C1QTNF3: variants seen among roughly 807,000 people sequenced by gnomAD.
C1QTNF3 encodes the protein complement C1q tumor necrosis factor-related protein 3.
C1QTNF3 carries 26 observed loss-of-function variants against 32.6 expected under a neutral mutation model. That is an observed-to-expected ratio of 0.80 (90% CI 0.58 to 1.11). The LOEUF (loss-of-function observed/expected upper bound fraction) is 1.11, where lower values mean the gene tolerates loss of function less well. C1QTNF3 is among the 50% of genes least tolerant of loss of function. C1QTNF3 has a pLI of 0.00. For missense variants in C1QTNF3, 362 were observed against 398.2 expected (o/e 0.91, Z 0.77); for synonymous variants, 155 against 146.0 (o/e 1.06, Z -0.44).
chr5:34,170,473 C>T, the C1QTNF3 span, among the ~76,000 whole-genome samples: 26 of 152,114 alleles, frequency 1.7e-4, no homozygotes, highest in African/African-American at 5.1e-4. Flanking sequence ...AAATAAATTT[C>T]GGGGCGTCTT....
chr5:34,172,258 AAACT>A, the C1QTNF3 span, among the ~76,000 whole-genome samples: 1 of 152,154 alleles, frequency 6.6e-6, no homozygotes, highest in African/African-American at 2.4e-5. Context: ...GCATAGTAAG[AAACT>A]AACAACAATA....
At chr5:34,138,049 C>T in the C1QTNF3 span, among the ~76,000 whole-genome samples, 1 of 152,180 alleles carries the variant, frequency 6.6e-6, no homozygotes, top group Non-Finnish European at 1.5e-5. Context: ...AATGCACACA[C>T]TAAGAGACAA....
At chr5:34,040,633 T>A (rs1754846024) in intron 1 of C1QTNF3, among the ~76,000 whole-genome samples, 1 of 152,104 alleles carries the variant, frequency 6.6e-6, no homozygotes, top group South Asian at 2.1e-4. Flanking sequence ...TGTCCTGCTA[T>A]GAACAAACAA....
chr5:34,212,659 C>T, the C1QTNF3 span, among the ~76,000 whole-genome samples: 1 of 150,448 alleles, frequency 6.6e-6, no homozygotes, highest in Non-Finnish European at 1.5e-5. Flanking sequence ...AAAAAATGCT[C>T]ACCATCACTG....
chr5:34,213,749 A>G, the C1QTNF3 span, among the ~76,000 whole-genome samples: 32 of 123,124 alleles, frequency 2.6e-4, no homozygotes, highest in Non-Finnish European at 4.7e-4. Flanking sequence ...TAGTGTGTGT[A>G]TATATATATA....
chr5:34,056,475 TATATAGAGAGAGAGAG>T, the C1QTNF3 span, among the ~76,000 whole-genome samples: 13 of 101,276 alleles, frequency 1.3e-4, no homozygotes, highest in South Asian at 3.7e-4. Context: ...TATATATATA[TATATAGAGAGAGAGAG>T]AGAGAGAGAG....
the C1QTNF3 span, among the ~76,000 whole-genome samples, chr5:34,121,675 T>G: frequency 6.6e-6 from 1 of 152,266 alleles, no homozygotes. Context: ...TTGTAAATAT[T>G]TGCACAGGGA....
the C1QTNF3 span, among the ~76,000 whole-genome samples, chr5:34,196,814 C>T: frequency 2.0e-5 from 3 of 152,006 alleles, no homozygotes; most frequent in African/African-American, 7.2e-5. Context: ...CGCCCGCCAC[C>T]ACGCCCGGCT....
chr5:34,220,046 C>A, the C1QTNF3 span: 1 of 152,046 alleles, frequency 6.6e-6, no homozygotes, highest in South Asian at 2.1e-4. Context: ...GAAGGAGTGA[C>A]AACAAATCTC....
chr5:34,040,258 G>A (rs1754834952), intron 1 of C1QTNF3, among the ~76,000 whole-genome samples: 1 of 152,200 alleles, frequency 6.6e-6, no homozygotes, highest in Non-Finnish European at 1.5e-5. Context: ...CAGCATGCGA[G>A]AAAGAGTTTG....
chr5:34,140,690 C>A, the C1QTNF3 span, among the ~76,000 whole-genome samples: 8 of 152,108 alleles, frequency 5.3e-5, no homozygotes, highest in Non-Finnish European at 1.2e-4. Context: ...TAAAAAAATT[C>A]TTCTTTCATG....
upstream of C1QTNF3, chr5:34,043,253 T>A: frequency 2.0e-6 from 2 of 984,146 alleles, no homozygotes; most frequent in Non-Finnish European, 1.5e-6. Flanking sequence ...CTTTGGTGTG[T>A]AATAAATAAG....
chr5:34,204,312 A>G, the C1QTNF3 span, among the ~76,000 whole-genome samples: 3 of 152,356 alleles, frequency 2.0e-5, no homozygotes, highest in East Asian at 3.9e-4. Context: ...ATCTGCACCC[A>G]TATGTTTATC....
At chr5:34,084,797 TTTGTTTTTTTTG>T in the C1QTNF3 span, among the ~76,000 whole-genome samples, 6,392 of 34,474 alleles carry the variant, frequency 0.19, 1,534 homozygotes, top group African/African-American at 0.38. Context: ...TGGTTTTTTT[TTTGTTTTTTTTG>T]TTTTTTTTCT....
chr5:34,046,225 C>A (rs1385339001), upstream of C1QTNF3, among the ~76,000 whole-genome samples: 1 of 152,156 alleles, frequency 6.6e-6, no homozygotes, highest in Non-Finnish European at 1.5e-5. Context: ...AGAAGCCTCC[C>A]CACCCCTTGT....
At chr5:34,194,763 T>G in the C1QTNF3 span, among the ~76,000 whole-genome samples, 1 of 152,302 alleles carries the variant, frequency 6.6e-6, no homozygotes, top group South Asian at 2.1e-4. Flanking sequence ...CAGGATCTCC[T>G]GAGGATAACA....
the C1QTNF3 span, among the ~76,000 whole-genome samples, chr5:34,087,570 C>CTTTTTT: frequency 2.9e-5 from 2 of 70,024 alleles, no homozygotes; most frequent in Non-Finnish European, 5.1e-5. Flanking sequence ...ACGCTTTTGT[C>CTTTTTT]TTTTTTTTTT....
At chr5:34,122,894 G>A in the C1QTNF3 span, among the ~76,000 whole-genome samples, 1 of 149,782 alleles carries the variant, frequency 6.7e-6, no homozygotes, top group Admixed American at 6.7e-5. Flanking sequence ...TTCCCATCAC[G>A]AGCCCAGAAT....
chr5:34,198,013 A>G, the C1QTNF3 span, among the ~76,000 whole-genome samples: 1 of 146,424 alleles, frequency 6.8e-6, no homozygotes, highest in African/African-American at 2.6e-5. Flanking sequence ...AGGCAGGCAG[A>G]TCACGAGGTC....
Sources: gnomAD v4.1 joint callset for allele counts (sites outside exome capture counted in the v4.1 genomes callset) on GRCh38, gnomAD v4.1.1 for gene constraint, MANE v1.5 for transcripts, NCBI Gene and HGNC (gene_info 2026-07-23, HGNC 2026-07-21) for gene names.